Variants in LRRC72 observed in about 807,000 individuals in gnomAD.
The protein encoded by LRRC72 is leucine rich repeat containing 72.
LRRC72 carries 41 observed loss-of-function variants against 35.8 expected under a neutral mutation model. The observed-to-expected ratio is 1.15, with a 90% CI of 0.89 to 1.49. The LOEUF (loss-of-function observed/expected upper bound fraction) is 1.49. Among genes scored for constraint, LRRC72 ranks in the 40% most tolerant of loss-of-function variants. LRRC72 has a pLI of 0.00. For missense variants in LRRC72, 389 were observed against 330.7 expected (o/e 1.18, Z -1.37); for synonymous variants, 118 against 119.2 (o/e 0.99, Z 0.07).
intron 7 of LRRC72, among the ~76,000 whole-genome samples, chr7:16,577,878 G>C (rs1783069502): frequency 1.3e-5 from 2 of 152,188 alleles, no homozygotes; most frequent in Admixed American, 1.3e-4. Context: ...TTAAAGGGTT[G>C]TTAAAGATGA....
chr7:16,568,362 A>T (rs978385281), intron 7 of LRRC72, among the ~76,000 whole-genome samples: 5 of 152,208 alleles, frequency 3.3e-5, no homozygotes, highest in African/African-American at 9.7e-5. Context: ...ATACATTTTT[A>T]AAAAACCAAA....
At chr7:16,577,854 A>G (rs1783069251) in intron 7 of LRRC72, among the ~76,000 whole-genome samples, 1 of 152,220 alleles carries the variant, frequency 6.6e-6, no homozygotes. Context: ...TCATCCAACA[A>G]GTAGGCAGAA....
At chr7:16,557,669 A>T (rs1782674150) in intron 4 of LRRC72, among the ~76,000 whole-genome samples, 1 of 152,216 alleles carries the variant, frequency 6.6e-6, no homozygotes, top group Admixed American at 6.5e-5. Context: ...ATGTAAAATA[A>T]TTTTAACAGG....
intron 5 of LRRC72, among the ~76,000 whole-genome samples, chr7:16,565,977 G>A (rs1382489566): frequency 6.6e-6 from 1 of 152,192 alleles, no homozygotes; most frequent in Non-Finnish European, 1.5e-5. Flanking sequence ...CAATAGAGCT[G>A]ATATCTAGTT....
chr7:16,560,554 CCT>C (rs1277016042), intron 5 of LRRC72, among the ~76,000 whole-genome samples: 1 of 152,030 alleles, frequency 6.6e-6, no homozygotes. Flanking sequence ...TCACCTGGCC[CCT>C]GTCTGCTGGA....
chr7:16,547,819 G>C (rs1252254906), intron 3 of LRRC72, among the ~76,000 whole-genome samples: 2 of 152,232 alleles, frequency 1.3e-5, no homozygotes, highest in African/African-American at 4.8e-5. Flanking sequence ...GTGCCCCTTG[G>C]CATGAACAAC....
intron 3 of LRRC72, among the ~76,000 whole-genome samples, chr7:16,546,536 G>A (rs1043238640): frequency 6.6e-5 from 10 of 152,080 alleles, no homozygotes; most frequent in African/African-American, 2.4e-4. Context: ...CAGACAGAGT[G>A]ATCTGTGGAA....
At chr7:16,547,090 G>T (rs1782456290) in intron 3 of LRRC72, among the ~76,000 whole-genome samples, 1 of 152,020 alleles carries the variant, frequency 6.6e-6, no homozygotes, top group Non-Finnish European at 1.5e-5. Context: ...CCGCTCCCAG[G>T]CCCAGAGCCT....
In LRRC72 at chr7:16,546,367, C is replaced by T. The variant is rs948879676; in HGVS notation, c.234+8671C>T. ...GATAATTCTTGGTGGTAGAGTCTGT[C>T]CTGTGTATTTCAGGATGCTCAGCAG... On this transcript the variant is annotated intron_variant, in intron 3 of 8. Transcript: ENST00000401542. Among the ~76,000 whole-genome samples, 5 of 152,086 alleles carry T rather than the reference C, an allele frequency of 3.3e-5. No homozygotes were observed. The East Asian group carries it at 9.7e-4, about 29-fold the overall frequency.
chr7:16,575,588 T>C (rs1468606375), intron 7 of LRRC72, among the ~76,000 whole-genome samples: 3 of 152,220 alleles, frequency 2.0e-5, no homozygotes, highest in Non-Finnish European at 4.4e-5. Context: ...TATAATATCT[T>C]GCTTTGACTG....
intron 3 of LRRC72, among the ~76,000 whole-genome samples, chr7:16,545,806 T>C (rs764388776): frequency 1.3e-5 from 2 of 152,118 alleles, no homozygotes; most frequent in Non-Finnish European, 2.9e-5. Flanking sequence ...AATTTGAAGA[T>C]ATGTACAATA....
intron 7 of LRRC72, among the ~76,000 whole-genome samples, chr7:16,571,504 C>A (rs1782943593): frequency 6.6e-6 from 1 of 152,168 alleles, no homozygotes; most frequent in Non-Finnish European, 1.5e-5. Context: ...TGGCTTACCT[C>A]ACTGAGATGG....
chr7:16,551,574 A>G (rs1303563832), intron 3 of LRRC72, among the ~76,000 whole-genome samples: 5 of 152,130 alleles, frequency 3.3e-5, no homozygotes, highest in Non-Finnish European at 5.9e-5. Flanking sequence ...CCAATGATTT[A>G]ATCAATTATG....
chr7:16,563,432 A>G (rs1265293489), intron 5 of LRRC72, among the ~76,000 whole-genome samples: 2 of 152,228 alleles, frequency 1.3e-5, no homozygotes, highest in African/African-American at 4.8e-5. Flanking sequence ...GATAAGCAAG[A>G]CAGTGCTGGC....
intron 7 of LRRC72, among the ~76,000 whole-genome samples, chr7:16,571,369 A>G (rs1304899679): frequency 3.9e-5 from 6 of 152,124 alleles, no homozygotes; most frequent in Non-Finnish European, 7.4e-5. Context: ...ACAGATATTA[A>G]GTCTGATAAA....
intron 3 of LRRC72, among the ~76,000 whole-genome samples, chr7:16,544,486 T>C (rs1782410634): frequency 1.3e-5 from 2 of 152,176 alleles, no homozygotes; most frequent in Non-Finnish European, 2.9e-5. Flanking sequence ...GCAGCTGCTC[T>C]TAGGTCTAAA....
intron 8 of LRRC72, 63 bp from the exon 9 acceptor site, chr7:16,581,261 C>T: frequency 7.3e-7 from 1 of 1,362,010 alleles, no homozygotes; most frequent in Non-Finnish European, 9.7e-7. Context: ...ATAAAAATTT[C>T]ATTTTGGTCA....
intron 7 of LRRC72, among the ~76,000 whole-genome samples, chr7:16,572,452 A>G (rs1384773256): frequency 3.3e-5 from 5 of 152,206 alleles, no homozygotes; most frequent in African/African-American, 1.2e-4. Context: ...AAGCTTATCC[A>G]CCATGATCAA....
Position 16,557,359 on chromosome 7 carries a change from G to C in LRRC72, c.235-1G>C. On this transcript the variant is annotated splice_acceptor_variant, in intron 3 of 8. Coordinates refer to ENST00000401542, the MANE Select transcript of LRRC72 (RefSeq NM_001195280.2). LOFTEE classifies it high-confidence loss of function. ...TATTGTTCTCTAACTCTCATTTTTA[G>C]CTCCATGGAATAACATTTCTAACTA... The C allele has an allele frequency of 1.6e-6, 2 of 1,239,352 alleles. No individual in the cohort carries two copies. The highest frequency in any genetic ancestry group is 2.1e-6 in the Non-Finnish European group (2 of 940,880). 76.8% of individuals were successfully genotyped at this position (1,239,352 alleles called of 1,614,324 possible).
Sources: allele counts gnomAD v4.1 joint callset (sites outside exome capture counted in the v4.1 genomes callset), GRCh38; gene constraint gnomAD v4.1.1; transcripts MANE v1.5; gene names NCBI Gene and HGNC (gene_info 2026-07-23, HGNC 2026-07-21).